Variants in FREM2 observed in about 807,000 individuals in gnomAD.
FREM2 encodes the protein FRAS1-related extracellular matrix protein 2.
FREM2 carries 119 observed loss-of-function variants against 219.9 expected under a neutral mutation model. The ratio of observed to expected loss-of-function variants is 0.54; its 90% CI spans 0.47 to 0.63. FREM2 has a LOEUF of 0.63. Ranked by LOEUF, FREM2 falls within the 30% of genes least tolerant of loss-of-function variation. FREM2 has a pLI of 0.00. For synonymous variants in FREM2, 1,562 were observed against 1,522.8 expected, an observed-to-expected ratio of 1.03 and a Z score of -0.60; for missense variants, 4,030 against 3,993.6, an observed-to-expected ratio of 1.01 and a Z score of -0.25.
chr13:38,700,322 G>A (rs1168222549), intron 2 of FREM2, among the ~76,000 whole-genome samples: 2 of 151,936 alleles, frequency 1.3e-5, no homozygotes, highest in Non-Finnish European at 2.9e-5. Flanking sequence ...ACTATGCTTG[G>A]GAAAGGGTTA....
At chr13:38,722,880 G>C (rs912804457) in intron 2 of FREM2, among the ~76,000 whole-genome samples, 1 of 151,880 alleles carries the variant, frequency 6.6e-6, no homozygotes. Context: ...CTGTTGAAGA[G>C]TTTTGCAGAA....
intron 2 of FREM2, among the ~76,000 whole-genome samples, chr13:38,736,416 C>T (rs916434329): frequency 2.0e-5 from 3 of 152,048 alleles, no homozygotes; most frequent in Admixed American, 2.0e-4. Flanking sequence ...CTCTCTGTAA[C>T]CATGGAACAG....
rs1488735965 is a variant in FREM2 at position 38,697,777 on chromosome 13, T to A, written c.5253T>A (p.Val1751=). ...NATSDMFYFA[V]EDGGGNKLTY... Reference sequence around the variant, plus strand: ...CAAGTGATATGTTCTATTTTGCAGTTGAAGATGGTGGTAAGTATTCCCCTC... The same window carrying A: ...CAAGTGATATGTTCTATTTTGCAGTAGAAGATGGTGGTAAGTATTCCCCTC... Residue 1751 remains valine, a synonymous_variant, in exon 2 of 24, where the codon GTT becomes GTA. Coordinates refer to ENST00000280481, the MANE Select transcript of FREM2 (RefSeq NM_207361.6). The A allele has an allele frequency of 2.5e-6, 4 of 1,594,260 alleles. No homozygotes were observed.
chr13:38,855,837 T>C (rs2137916343), intron 11 of FREM2, among the ~76,000 whole-genome samples: 1 of 152,004 alleles, frequency 6.6e-6, no homozygotes, highest in South Asian at 2.1e-4. Context: ...CAAGAACTTA[T>C]TCATGCAACC....
intron 16 of FREM2, among the ~76,000 whole-genome samples, chr13:38,872,015 A>G (rs1056744206): frequency 1.3e-5 from 2 of 152,202 alleles, no homozygotes; most frequent in African/African-American, 4.8e-5. Flanking sequence ...TCATAGCAGC[A>G]TTTTTTATAA....
intron 6 of FREM2, among the ~76,000 whole-genome samples, chr13:38,789,551 G>T (rs1593409184): frequency 6.8e-6 from 1 of 146,692 alleles, no homozygotes; most frequent in Non-Finnish European, 1.5e-5. Context: ...GTTTGGTTCT[G>T]ACTTTTCAAA....
chr13:38,762,726 C>T lies in FREM2; in HGVS notation c.5264-1578C>T, dbSNP rs543909571. Among the ~76,000 whole-genome samples the T allele has an allele frequency of 9.2e-5, 14 of 152,204 alleles. 1 individual carries two copies. Among genetic ancestry groups the T allele is most frequent in the Admixed American group, 7.8e-4 (12 of 15,292 alleles). ...CTGAGACTACAGGCATGAGCCACCA[C>T]GCCCGGCCCCAATCTATTTATATTT... On this transcript the variant is annotated intron_variant, in intron 2 of 23. Transcript: ENST00000280481.
intron 2 of FREM2, among the ~76,000 whole-genome samples, chr13:38,736,475 G>A (rs1167848207): frequency 1.3e-5 from 2 of 152,142 alleles, no homozygotes; most frequent in Non-Finnish European, 2.9e-5. Flanking sequence ...TTCATTATAA[G>A]ATTTTATGTT....
chr13:38,750,614 C>G (rs919717862), intron 2 of FREM2, among the ~76,000 whole-genome samples: 1 of 152,112 alleles, frequency 6.6e-6, no homozygotes, highest in African/African-American at 2.4e-5. Flanking sequence ...CTTCAGTACA[C>G]TGATTTCCTT....
chr13:38,859,743 A>G (rs1877696751), intron 14 of FREM2, among the ~76,000 whole-genome samples, 153 bp downstream of exon 14: 1 of 152,248 alleles, frequency 6.6e-6, no homozygotes, highest in Non-Finnish European at 1.5e-5. Context: ...AAAATTATGT[A>G]TTAGAAAACA....
intron 2 of FREM2, among the ~76,000 whole-genome samples, chr13:38,748,223 A>G (rs962331292): frequency 6.6e-6 from 1 of 152,230 alleles, no homozygotes; most frequent in Middle Eastern, 3.2e-3. Flanking sequence ...ATATACCAGT[A>G]GTCAGTTGTG....
In FREM2 at chr13:38,692,233, T is replaced by C. The variant is rs746466859; in HGVS notation, c.4889T>C (p.Val1630Ala). ...GATGGCACCCATACAGACTTCTATGTTTTTCCTGATACGGTGTTTGAAACA... is the reference window on the plus strand; with the variant it reads ...GATGGCACCCATACAGACTTCTATGCTTTTCCTGATACGGTGTTTGAAACA... Reference protein sequence around the residue: ...VTDGTHTDFYVFPDTVFETRR... With the variant: ...VTDGTHTDFYAFPDTVFETRR... Residue 1630 changes from valine (V) to alanine (A), a missense_variant, in exon 1 of 24, where the codon GTT (valine) becomes GCT (alanine). Physicochemically the swap from Val to Ala is moderately conservative, Grantham distance 64 (BLOSUM62 0). Transcript: ENST00000280481. 51 of 1,614,048 alleles carry C rather than the reference T, an allele frequency of 3.2e-5. No individual in the cohort carries two copies. The highest frequency in any genetic ancestry group is 4.2e-5 in the Non-Finnish European group (49 of 1,180,032).
rs917556998 is a variant in FREM2, at chr13:38,687,338, C to A, written c.-7C>A. 8 of 1,596,910 alleles carry A rather than the reference C, an allele frequency of 5.0e-6. No homozygotes were observed. Among genetic ancestry groups the A allele is most frequent in the Non-Finnish European group, 6.0e-6 (7 of 1,172,046 alleles). On this transcript the variant is annotated 5_prime_UTR_variant, in exon 1 of 24. Transcript: ENST00000280481. ...GGCTGACCTGTCCAAGCCCGAACAC[C>A]GGGACCATGCACTCAGCCGGGACTC...
At chr13:38,788,501 C>G (rs1566142707) in intron 6 of FREM2, among the ~76,000 whole-genome samples, 1 of 152,140 alleles carries the variant, frequency 6.6e-6, no homozygotes, top group Non-Finnish European at 1.5e-5. Flanking sequence ...AAAATACTTT[C>G]AGAAGATCTT....
At chr13:38,764,153 C>A in intron 2 of FREM2, 151 bp from the exon 3 acceptor site, 1 of 636,338 alleles carries the variant, frequency 1.6e-6, no homozygotes, top group Non-Finnish European at 2.8e-6. Flanking sequence ...AGACTGTAAG[C>A]TGTATCTCCA....
chr13:38,767,725 A>T (rs558511456), intron 3 of FREM2, among the ~76,000 whole-genome samples: 3 of 152,206 alleles, frequency 2.0e-5, no homozygotes, highest in Non-Finnish European at 4.4e-5. Flanking sequence ...CTCTGTGTGC[A>T]CAAGGAACCA....
At chr13:38,801,544 C>T (rs1484644194) in intron 6 of FREM2, among the ~76,000 whole-genome samples, 1 of 151,794 alleles carries the variant, frequency 6.6e-6, no homozygotes, top group African/African-American at 2.4e-5. Flanking sequence ...GGTGCATTAC[C>T]TTTGATTTAA....
At chr13:38,798,542 G>A (rs1874883094) in intron 6 of FREM2, among the ~76,000 whole-genome samples, 1 of 152,008 alleles carries the variant, frequency 6.6e-6, no homozygotes. Context: ...AAGAATTGCT[G>A]TTAAGTTCTT....
intron 6 of FREM2, among the ~76,000 whole-genome samples, chr13:38,828,957 T>C (rs776472863): frequency 1.3e-5 from 2 of 152,158 alleles, no homozygotes; most frequent in Non-Finnish European, 2.9e-5. Flanking sequence ...TTTATTTGCC[T>C]AGTCTCTATC....
Sources: allele counts gnomAD v4.1 joint callset (sites outside exome capture counted in the v4.1 genomes callset), GRCh38; gene constraint gnomAD v4.1.1; transcripts MANE v1.5; gene names NCBI Gene and HGNC (gene_info 2026-07-23, HGNC 2026-07-21).